The following INVS variants were observed in gnomAD, a reference collection of about 807,000 sequenced individuals.
The protein encoded by INVS is inversin.
In INVS, 86 loss-of-function variants were observed where a neutral mutation model predicts 108.8. That is an observed-to-expected ratio of 0.79 (90% confidence interval 0.66 to 0.95). INVS has a LOEUF of 0.95. Among genes scored for constraint, INVS ranks in the 40% least tolerant of loss-of-function variants. The pLI is 0.00. For missense variants in INVS, 1,169 were observed against 1,297.4 expected (o/e 0.90, Z 1.52); for synonymous variants, 455 against 473.5 (o/e 0.96, Z 0.51).
At chr9:100,137,258 A>T (rs1473813625) in intron 3 of INVS, among the ~76,000 whole-genome samples, 1 of 152,158 alleles carries the variant, frequency 6.6e-6, no homozygotes, top group African/African-American at 2.4e-5. Flanking sequence ...TTTGTCCCTA[A>T]AGCAGGGGAG....
intron 8 of INVS, among the ~76,000 whole-genome samples, 185 bp downstream of exon 8, chr9:100,246,972 A>G (rs1832066876): frequency 6.6e-6 from 1 of 152,142 alleles, no homozygotes; most frequent in Admixed American, 6.5e-5. Flanking sequence ...TCTTCCAAGT[A>G]TTATGGCAAA....
intron 3 of INVS, among the ~76,000 whole-genome samples, chr9:100,138,580 A>T (rs1828311830): frequency 6.6e-6 from 1 of 152,036 alleles, no homozygotes; most frequent in South Asian, 2.1e-4. Context: ...ATTTGCTCAA[A>T]CAAATCTGTC....
At chr9:100,288,376 G>C (rs1833509820) in intron 13 of INVS, among the ~76,000 whole-genome samples, 1 of 152,180 alleles carries the variant, frequency 6.6e-6, no homozygotes, top group African/African-American at 2.4e-5. Flanking sequence ...GTTCAAGCTT[G>C]TGGTACTCTC....
chr9:100,140,521 C>T (rs978211979), intron 3 of INVS, among the ~76,000 whole-genome samples: 1 of 152,050 alleles, frequency 6.6e-6, no homozygotes, highest in Non-Finnish European at 1.5e-5. Flanking sequence ...AGGCAGGAAC[C>T]GGCCATCTGG....
intron 3 of INVS, among the ~76,000 whole-genome samples, chr9:100,171,503 A>G: frequency 6.6e-6 from 1 of 152,186 alleles, no homozygotes; most frequent in East Asian, 1.9e-4. Flanking sequence ...ATAGCTCAAT[A>G]TGTATGTATT....
At chr9:100,146,828 G>T (rs993693004) in intron 3 of INVS, among the ~76,000 whole-genome samples, 1 of 152,056 alleles carries the variant, frequency 6.6e-6, no homozygotes, top group Non-Finnish European at 1.5e-5. Flanking sequence ...TGTATATACC[G>T]CAATTTATTT....
chr9:100,201,158 C>A (rs1830519804), intron 3 of INVS, among the ~76,000 whole-genome samples: 1 of 152,202 alleles, frequency 6.6e-6, no homozygotes, highest in Non-Finnish European at 1.5e-5. Flanking sequence ...GTTCTCCTTG[C>A]CCCCAAGTCC....
In INVS at chr9:100,278,437, T is replaced by G. The variant is rs144564831; in HGVS notation, c.1784+5361T>G. 4.4e-3 allele frequency among the ~76,000 whole-genome samples: 670 copies of G among 152,244 alleles called. 5 individuals carry two copies. Among genetic ancestry groups the G allele is most frequent in the African/African-American group, 0.016 (645 of 41,536 alleles). On this transcript the variant is annotated intron_variant, in intron 12 of 16. Transcript: ENST00000262457. Reference sequence around the variant, plus strand: ...CATAGCCCTATATAGTTACTTCTCCTTTAGCACTCATCACATCTAGAACTC... The same window carrying G: ...CATAGCCCTATATAGTTACTTCTCCGTTAGCACTCATCACATCTAGAACTC...
At chr9:100,173,647 T>G (rs924085139) in intron 3 of INVS, among the ~76,000 whole-genome samples, 1 of 152,158 alleles carries the variant, frequency 6.6e-6, no homozygotes, top group Non-Finnish European at 1.5e-5. Context: ...GAGAATCGCT[T>G]GAACCCGGGA....
At chr9:100,221,609 T>C (rs1029569334) in intron 3 of INVS, among the ~76,000 whole-genome samples, 3 of 152,196 alleles carry the variant, frequency 2.0e-5, no homozygotes, top group Non-Finnish European at 4.4e-5. Context: ...AGGTACCTGC[T>C]AAATTCCTAT....
chr9:100,228,300 T>C lies in INVS; in HGVS notation c.448-1360T>C, dbSNP rs74738653. Among the ~76,000 whole-genome samples, 986 of 152,272 alleles carry C rather than the reference T, an allele frequency of 6.5e-3. 8 individuals carry two copies. The highest frequency in any genetic ancestry group is 0.023 in the African/African-American group (952 of 41,574). ...GCCACTGCGCCCAGCCAAACATTAT[T>C]TTCTTTTAGAGAGACTCTGTTATTT... On this transcript the variant is annotated intron_variant, in intron 4 of 16. Coordinates refer to ENST00000262457, the MANE Select transcript of INVS (RefSeq NM_014425.5).
At chr9:100,257,547 A>C (rs1368030873) in intron 10 of INVS, among the ~76,000 whole-genome samples, 1 of 152,176 alleles carries the variant, frequency 6.6e-6, no homozygotes, top group Non-Finnish European at 1.5e-5. Context: ...GGCTAGTACC[A>C]GTTGTTCCTT....
intron 3 of INVS, among the ~76,000 whole-genome samples, chr9:100,138,516 A>G (rs1018262799): frequency 4.6e-5 from 7 of 152,054 alleles, no homozygotes; most frequent in African/African-American, 1.7e-4. Context: ...ACATTATCAT[A>G]TACTTCAACC....
intron 3 of INVS, among the ~76,000 whole-genome samples, chr9:100,178,363 C>G (rs1829780362): frequency 6.6e-6 from 1 of 152,068 alleles, no homozygotes; most frequent in Non-Finnish European, 1.5e-5. Context: ...CATGTTCTAA[C>G]CCAATGCAAG....
chr9:100,152,923 T>C (rs1301617330), intron 3 of INVS, among the ~76,000 whole-genome samples: 2 of 152,274 alleles, frequency 1.3e-5, no homozygotes, highest in East Asian at 3.9e-4. Context: ...GGCTGAAATA[T>C]TAGACTGTAC....
intron 3 of INVS, among the ~76,000 whole-genome samples, chr9:100,210,834 C>T (rs897605935): frequency 9.3e-5 from 14 of 150,952 alleles, no homozygotes; most frequent in African/African-American, 2.2e-4. Flanking sequence ...AATCACCTAC[C>T]GAAAATTTAA....
chr9:100,259,177 G>A (rs1832526231), intron 10 of INVS, among the ~76,000 whole-genome samples: 1 of 152,180 alleles, frequency 6.6e-6, no homozygotes, highest in Non-Finnish European at 1.5e-5. Context: ...AGACTGCTGT[G>A]CTAGCAGTGA....
At chr9:100,264,752 A>G in intron 10 of INVS, 70 bp from the exon 11 acceptor site, 1 of 1,031,926 alleles carries the variant, frequency 9.7e-7, no homozygotes, top group Non-Finnish European at 1.5e-6. Context: ...TTAATTTTGA[A>G]TTAGCATAAA....
At chr9:100,195,674 T>C (rs1830352066) in intron 3 of INVS, among the ~76,000 whole-genome samples, 1 of 151,972 alleles carries the variant, frequency 6.6e-6, no homozygotes, top group African/African-American at 2.4e-5. Context: ...TTTTAGTAGA[T>C]ACAGCATTCC....
Sources: gnomAD v4.1 joint callset for allele counts (sites outside exome capture counted in the v4.1 genomes callset) on GRCh38, gnomAD v4.1.1 for gene constraint, MANE v1.5 for transcripts, NCBI Gene and HGNC (gene_info 2026-07-23, HGNC 2026-07-21) for gene names.